Variants in STARD9 observed in about 807,000 individuals in gnomAD.
The protein encoded by STARD9 is stAR-related lipid transfer protein 9.
STARD9 carries 346 observed loss-of-function variants against 399.8 expected under a neutral mutation model. The observed-to-expected ratio is 0.87, with a 90% CI of 0.79 to 0.95. The LOEUF (loss-of-function observed/expected upper bound fraction) is 0.95. Among genes scored for constraint, STARD9 ranks in the 40% least tolerant of loss-of-function variants. The pLI, the probability that STARD9 is intolerant of heterozygous loss-of-function variation, is 0.00. For missense variants in STARD9, 5,832 were observed against 5,667.5 expected (o/e 1.03, Z -0.93); for synonymous variants, 2,203 against 2,143.5 (o/e 1.03, Z -0.77).
Position 42,692,629 on chromosome 15 carries a change from T to C in STARD9, c.11051T>C (p.Leu3684Pro). 1 of 1,537,174 alleles carries C rather than the reference T, an allele frequency of 6.5e-7. No individual in the cohort carries two copies. Among genetic ancestry groups the C allele is most frequent in the South Asian group, 1.2e-5 (1 of 84,064 alleles). Reference sequence around the variant, plus strand: ...AGCATGCACAATCTGTCTCTCCACCTCTCACAGCTCCTGCACAGTACCTCA... The same window carrying C: ...AGCATGCACAATCTGTCTCTCCACCCCTCACAGCTCCTGCACAGTACCTCA... ...WTSMHNLSLH[L>P]SQLLHSTSEL... The change falls in exon 23 of 33, where the codon CTC becomes CCC. Residue 3684 changes from leucine to proline, a missense_variant. By Grantham distance (98) the Leu-to-Pro change is moderately conservative (BLOSUM62 -3). Coordinates refer to ENST00000290607, the MANE Select transcript of STARD9 (RefSeq NM_020759.3).
rs201351089 is a variant in STARD9 at position 42,651,458 on chromosome 15, A to AT, written c.629+380dup. On this transcript the variant is annotated intron_variant, in intron 8 of 32. Transcript: ENST00000290607. ...TATAGTGTAAAAGGTTCATAAAAAC[A>AT]TTTTTTTCTAGTTTTGCATACTTAT... Among the ~76,000 whole-genome samples, 518 of 152,200 alleles carry AT rather than the reference A, an allele frequency of 3.4e-3. 15 individuals are homozygous for AT. In the East Asian group the frequency reaches 0.073, roughly 22 times the overall value.
intron 2 of STARD9, among the ~76,000 whole-genome samples, chr15:42,584,947 C>T (rs1027193149): frequency 6.6e-6 from 1 of 152,148 alleles, no homozygotes; most frequent in Admixed American, 6.5e-5. Context: ...TGACATGACG[C>T]CATGAGTGGA....
chr15:42,691,633 C>G lies in STARD9; in HGVS notation c.10055C>G (p.Thr3352Arg). Residue 3352 changes from threonine to arginine, a missense_variant, in exon 23 of 33, where the codon ACA becomes AGA. Transcript: ENST00000290607. ...VEPPSPTDED[T>R]QGPNRLWNPH... ...CCTCCTTCCCCTACAGACGAAGATA[C>G]ACAGGGGCCTAACAGATTGTGGAAC... 1 of 1,537,260 alleles carries G rather than the reference C, an allele frequency of 6.5e-7. No individual in the cohort carries two copies. The highest frequency in any genetic ancestry group is 8.7e-7 in the Non-Finnish European group (1 of 1,146,906).
chr15:42,683,038 C>G (rs1377922855), intron 22 of STARD9, among the ~76,000 whole-genome samples: 1 of 152,222 alleles, frequency 6.6e-6, no homozygotes, highest in Non-Finnish European at 1.5e-5. Flanking sequence ...ATCTTTTTGA[C>G]TCCCAGGTTC....
chr15:42,704,547 C>A (rs560911492), intron 26 of STARD9, among the ~76,000 whole-genome samples: 1 of 152,272 alleles, frequency 6.6e-6, no homozygotes, highest in South Asian at 2.1e-4. Context: ...TGTTGAGTTC[C>A]CTAAGCCTGT....
rs1304960568 is a variant in STARD9 at position 42,712,473 on chromosome 15, A to G, written c.13285-4204A>G. The stretch of plus-strand genomic sequence containing the variant: ...GCTTCCACATTGCATTCTTTGGCCC[A>G]TTTTGAGTTAATTCTTACATATGGT... On this transcript the variant is annotated intron_variant, in intron 26 of 32. Coordinates refer to ENST00000290607, the MANE Select transcript of STARD9 (RefSeq NM_020759.3). 5.9e-5 allele frequency among the ~76,000 whole-genome samples: 9 copies of G among 152,092 alleles called. No individual in the cohort carries two copies. In the South Asian group the frequency reaches 1.0e-3, roughly 18 times the overall value.
intron 3 of STARD9, among the ~76,000 whole-genome samples, chr15:42,632,011 A>G (rs541801101): frequency 1.3e-5 from 2 of 152,182 alleles, no homozygotes; most frequent in Non-Finnish European, 2.9e-5. Context: ...TTCTGTCTGA[A>G]TGATCTTTCC....
chr15:42,652,491 G>C, intron 8 of STARD9, 29 bp from the exon 9 acceptor site: 1 of 1,527,860 alleles, frequency 6.5e-7, no homozygotes, highest in Non-Finnish European at 8.8e-7. Flanking sequence ...AACAATCCTC[G>C]TCCTAACAGT....
At chr15:42,650,463 A>G (rs1239627040) in intron 7 of STARD9, among the ~76,000 whole-genome samples, 1 of 152,080 alleles carries the variant, frequency 6.6e-6, no homozygotes, top group Non-Finnish European at 1.5e-5. Context: ...GGCTAAATTT[A>G]AGTCTCACTT....
intron 3 of STARD9, among the ~76,000 whole-genome samples, chr15:42,604,036 T>C (rs77003671): frequency 0.012 from 1,859 of 152,272 alleles, 13 homozygotes; most frequent in Non-Finnish European, 0.019. Flanking sequence ...GGGGGTTTGT[T>C]TGGGGAAGGG....
At position 42,718,700 on chromosome 15, in the gene STARD9, C is replaced by A; in HGVS notation, c.13843-52C>A. The A allele has an allele frequency of 2.6e-6, 4 of 1,522,250 alleles. No homozygotes were observed. The Admixed American group carries it at 5.9e-5, about 22-fold the overall frequency. The allele number at this position is 1,522,250 out of a possible 1,614,324, so 94.3% of individuals were successfully genotyped here. On this transcript the variant is annotated intron_variant, in intron 31 of 32. Transcript: ENST00000290607. ...CATACTGTCTACACGGGAGCCTGTTCCTGTTTTGTCCACACTACACAGGCA... is the reference window on the plus strand; with the variant it reads ...CATACTGTCTACACGGGAGCCTGTTACTGTTTTGTCCACACTACACAGGCA...
chr15:42,692,432 T>C lies in STARD9; in HGVS notation c.10854T>C (p.Ile3618=). Residue 3618 remains isoleucine (I), a synonymous_variant, in exon 23 of 33, where the codon ATT becomes ATC. Coordinates refer to ENST00000290607, the MANE Select transcript of STARD9 (RefSeq NM_020759.3). ...KGSAAGPVDE[I]MLLYPSEAGC... ...GTGCTGCAGGTCCAGTGGATGAGATTATGCTGCTGTATCCATCAGAGGCAG... is the reference window on the plus strand; with the variant it reads ...GTGCTGCAGGTCCAGTGGATGAGATCATGCTGCTGTATCCATCAGAGGCAG... 3.9e-6 allele frequency: 6 copies of C among 1,537,072 alleles called. No individual in the cohort carries two copies. In the South Asian group the frequency reaches 5.9e-5, roughly 15 times the overall value.
At chr15:42,719,262 C>T (rs565324621) in intron 32 of STARD9, among the ~76,000 whole-genome samples, 2 of 152,242 alleles carry the variant, frequency 1.3e-5, no homozygotes, top group South Asian at 2.1e-4. Context: ...TCACCTCTCC[C>T]GTCCCAGTCC....
chr15:42,691,342 C>G lies in STARD9; in HGVS notation c.9764C>G (p.Ala3255Gly). The G allele has an allele frequency of 6.5e-7, 1 of 1,537,198 alleles. No homozygotes were observed. The highest frequency in any genetic ancestry group is 8.7e-7 in the Non-Finnish European group (1 of 1,146,882). ...LDAGREEVAV[A>G]KPPVSKILSQ... ...GCTGGGAGAGAGGAGGTGGCTGTGGCCAAGCCTCCTGTGTCCAAGATTTTA... is the reference window on the plus strand; with the variant it reads ...GCTGGGAGAGAGGAGGTGGCTGTGGGCAAGCCTCCTGTGTCCAAGATTTTA... The change falls in exon 23 of 33, where the codon GCC (alanine) becomes GGC (glycine). Residue 3255 changes from alanine (A) to glycine (G), a missense_variant. This residue lies in a region of STARD9 where 5,828 missense variants were observed against 5,651.1 expected (regional missense o/e 1.03). Coordinates refer to ENST00000290607, the MANE Select transcript of STARD9 (RefSeq NM_020759.3).
rs2060588327 is a variant in STARD9, at chr15:42,687,466, C to T, written c.5888C>T (p.Ala1963Val). Residue 1963 changes from alanine to valine, a missense_variant, in exon 23 of 33, where the codon GCC becomes GTC. By Grantham distance (64) the Ala-to-Val change is moderately conservative (BLOSUM62 0). This residue lies in a region of STARD9 where 5,828 missense variants were observed against 5,651.1 expected (regional missense o/e 1.03). Transcript: ENST00000290607. Reference sequence around the variant, plus strand: ...AGAGTAAGCAGCCCAGTGATGGTGGCCCAGGGTGGTGGCCCAACCCCTAAG... The same window carrying T: ...AGAGTAAGCAGCCCAGTGATGGTGGTCCAGGGTGGTGGCCCAACCCCTAAG... ...DRRVSSPVMV[A>V]QGGGPTPKWE... is the part of the protein sequence containing the mutation. 6.5e-7 allele frequency: 1 copy of T among 1,536,992 alleles called. No individual in the cohort carries two copies. Among genetic ancestry groups the T allele is most frequent in the Non-Finnish European group, 8.7e-7 (1 of 1,146,892 alleles).
At chr15:42,711,472 T>C (rs546521324) in intron 26 of STARD9, among the ~76,000 whole-genome samples, 29 of 152,286 alleles carry the variant, frequency 1.9e-4, no homozygotes, top group African/African-American at 6.5e-4. Flanking sequence ...ACATTAGTCA[T>C]TGGATTTAGG....
chr15:42,692,869 T>G lies in STARD9; in HGVS notation c.11291T>G (p.Leu3764Arg). Reference protein sequence around the residue: ...PQGANVILEGLGSDTSTVSQE... With the variant: ...PQGANVILEGRGSDTSTVSQE... ...GGAGCCAATGTGATCCTTGAAGGGC[T>G]AGGCTCAGATACCTCGACTGTGTCT... The change falls in exon 23 of 33, where the codon CTA becomes CGA. Residue 3764 changes from leucine to arginine, a missense_variant. By Grantham distance (102) the Leu-to-Arg change is moderately radical (BLOSUM62 -2). This residue lies in a region of STARD9 where 5,828 missense variants were observed against 5,651.1 expected (regional missense o/e 1.03). Coordinates refer to ENST00000290607, the MANE Select transcript of STARD9 (RefSeq NM_020759.3). 6.5e-7 allele frequency: 1 copy of G among 1,537,214 alleles called. No homozygotes were observed. Among genetic ancestry groups the G allele is most frequent in the African/African-American group, 1.4e-5 (1 of 73,148 alleles).
At position 42,695,215 on chromosome 15, in the gene STARD9, C is replaced by T; in HGVS notation, c.13038C>T (p.Ala4346=). ...IELMLQDYQQ[A]HEEAKVEIAR... is the part of the protein sequence containing the mutation. ...TGATGCTGCAAGACTACCAGCAGGCCCATGAGGAGGCCAAGGTGGAGATTG... is the reference window on the plus strand; with the variant it reads ...TGATGCTGCAAGACTACCAGCAGGCTCATGAGGAGGCCAAGGTGGAGATTG... Residue 4346 remains alanine (A), a synonymous_variant, in exon 25 of 33, where the codon GCC becomes GCT. Coordinates refer to ENST00000290607, the MANE Select transcript of STARD9 (RefSeq NM_020759.3). 6.5e-7 allele frequency: 1 copy of T among 1,537,154 alleles called. No individual in the cohort carries two copies. Among genetic ancestry groups the T allele is most frequent in the South Asian group, 1.2e-5 (1 of 84,054 alleles).
intron 1 of STARD9, among the ~76,000 whole-genome samples, chr15:42,577,955 T>C (rs1466787385): frequency 2.6e-5 from 4 of 152,202 alleles, no homozygotes; most frequent in African/African-American, 7.2e-5. Context: ...TTTTTTGTTT[T>C]TCCAGATGAC....
Sources: gnomAD v4.1 joint callset for allele counts (sites outside exome capture counted in the v4.1 genomes callset) on GRCh38, gnomAD v4.1.1 for gene constraint, gnomAD v4.1.1 regional missense constraint, MANE v1.5 for transcripts, NCBI Gene and HGNC (gene_info 2026-07-23, HGNC 2026-07-21) for gene names.